Variants in FRMD5 observed in about 807,000 individuals in gnomAD.
FRMD5 encodes the protein FERM domain-containing protein 5.
Under a neutral mutation model 69.0 loss-of-function variants are expected in FRMD5, and 20 were observed. That is an observed-to-expected ratio of 0.29 (90% CI 0.20 to 0.42). The LOEUF (loss-of-function observed/expected upper bound fraction) is 0.42, where lower values mean the gene tolerates loss of function less well. Ranked by LOEUF, FRMD5 falls within the 10% of genes least tolerant of loss-of-function variation. The probability of loss-of-function intolerance (pLI) is 1.00; values close to 1 mark genes in which losing one functional copy is unlikely to be tolerated. For missense variants in FRMD5, 595 were observed against 708.6 expected (o/e 0.84, Z 1.82); for synonymous variants, 271 against 260.1 (o/e 1.04, Z -0.40).
intron 1 of FRMD5, among the ~76,000 whole-genome samples, chr15:44,143,465 T>G (rs2077303556): frequency 6.6e-6 from 1 of 152,008 alleles, no homozygotes; most frequent in African/African-American, 2.4e-5. Flanking sequence ...AAATTTTCAC[T>G]GGCCATGAAG....
At chr15:43,961,270 A>G (rs1006847982) in intron 1 of FRMD5, among the ~76,000 whole-genome samples, 23 of 152,352 alleles carry the variant, frequency 1.5e-4, no homozygotes, top group African/African-American at 5.5e-4. Context: ...AGAATACTAT[A>G]AACACCTCTA....
chr15:44,023,133 C>G (rs1300438381), intron 1 of FRMD5, among the ~76,000 whole-genome samples: 1 of 152,066 alleles, frequency 6.6e-6, no homozygotes, highest in Non-Finnish European at 1.5e-5. Flanking sequence ...TGGGCCACAC[C>G]AGTTATGTAC....
intron 1 of FRMD5, among the ~76,000 whole-genome samples, chr15:43,957,598 A>G (rs1305931876): frequency 2.0e-5 from 3 of 152,364 alleles, no homozygotes; most frequent in African/African-American, 7.2e-5. Context: ...ACTGTTCTGT[A>G]TTAGCCTCTC....
At chr15:43,923,087 G>A (rs1295969857) in intron 2 of FRMD5, among the ~76,000 whole-genome samples, 2 of 152,194 alleles carry the variant, frequency 1.3e-5, no homozygotes, top group African/African-American at 2.4e-5. Context: ...GTAGATGAAG[G>A]GAAGTTATAG....
chr15:44,091,631 A>AGT (rs1224980292), intron 1 of FRMD5, among the ~76,000 whole-genome samples: 6 of 152,228 alleles, frequency 3.9e-5, no homozygotes, highest in Admixed American at 6.6e-5. Context: ...TGAATCTTAT[A>AGT]GTGCTAAGTT....
chr15:43,940,366 G>A (rs1454008285), intron 1 of FRMD5, among the ~76,000 whole-genome samples: 1 of 152,162 alleles, frequency 6.6e-6, no homozygotes, highest in East Asian at 1.9e-4. Context: ...CTCTAGAGAT[G>A]AGAAATGATA....
At chr15:43,978,159 C>T (rs922098758) in intron 1 of FRMD5, among the ~76,000 whole-genome samples, 1 of 152,202 alleles carries the variant, frequency 6.6e-6, no homozygotes, top group Non-Finnish European at 1.5e-5. Context: ...CCTTCTCTCT[C>T]ACTTCCTTCC....
intron 1 of FRMD5, among the ~76,000 whole-genome samples, chr15:44,134,116 A>C (rs924744494): frequency 5.9e-5 from 9 of 152,184 alleles, no homozygotes; most frequent in African/African-American, 2.2e-4. Context: ...AAAGACTGGC[A>C]AATACTTTGT....
chr15:44,150,989 G>A (rs1478823442), intron 1 of FRMD5, among the ~76,000 whole-genome samples: 1 of 152,070 alleles, frequency 6.6e-6, no homozygotes, highest in Non-Finnish European at 1.5e-5. Context: ...CTACTTGGGA[G>A]GCTGAGGCAG....
At chr15:43,927,564 G>A (rs1368489555) in intron 1 of FRMD5, among the ~76,000 whole-genome samples, 1 of 152,108 alleles carries the variant, frequency 6.6e-6, no homozygotes, top group Non-Finnish European at 1.5e-5. Flanking sequence ...GGTTCTCTGG[G>A]AGCAGAGGAA....
intron 7 of FRMD5, among the ~76,000 whole-genome samples, chr15:43,896,096 G>A (rs936285363): frequency 6.6e-6 from 1 of 152,176 alleles, no homozygotes; most frequent in Non-Finnish European, 1.5e-5. Context: ...CCACAGGACT[G>A]AGCCATTAAT....
chr15:44,105,158 C>T (rs1018469815), intron 1 of FRMD5, among the ~76,000 whole-genome samples: 1 of 150,688 alleles, frequency 6.6e-6, no homozygotes, highest in African/African-American at 2.4e-5. Flanking sequence ...CTCACTGCAG[C>T]CTCGATGTCC....
At chr15:43,935,513 C>A (rs148347032) in intron 1 of FRMD5, among the ~76,000 whole-genome samples, 2 of 152,046 alleles carry the variant, frequency 1.3e-5, no homozygotes, top group African/African-American at 2.4e-5. Flanking sequence ...ATAAATAATT[C>A]TTGGGCTTGG....
At chr15:43,938,822 AT>A (rs531734432) in intron 1 of FRMD5, among the ~76,000 whole-genome samples, 3 of 151,816 alleles carry the variant, frequency 2.0e-5, no homozygotes, top group Admixed American at 6.6e-5. Flanking sequence ...TTCTTTTTAG[AT>A]TTTTTTTTCT....
At chr15:44,144,991 T>C (rs1327795530) in intron 1 of FRMD5, among the ~76,000 whole-genome samples, 1 of 152,188 alleles carries the variant, frequency 6.6e-6, no homozygotes, top group Non-Finnish European at 1.5e-5. Flanking sequence ...AATGAATTTG[T>C]CCTGATAAAG....
intron 1 of FRMD5, among the ~76,000 whole-genome samples, chr15:43,999,477 A>G (rs1458996415): frequency 6.6e-6 from 1 of 151,992 alleles, no homozygotes; most frequent in Non-Finnish European, 1.5e-5. Flanking sequence ...CCATTTAAAA[A>G]CTTTTTTCCT....
intron 12 of FRMD5, 83 bp from the exon 13 acceptor site, chr15:43,883,892 G>T: frequency 1.1e-6 from 1 of 948,942 alleles, no homozygotes; most frequent in Non-Finnish European, 1.7e-6. Context: ...CTGGCTACTA[G>T]AATTGCCTGG....
intron 1 of FRMD5, among the ~76,000 whole-genome samples, chr15:43,950,039 C>T (rs1395133029): frequency 1.3e-5 from 2 of 152,210 alleles, no homozygotes; most frequent in African/African-American, 4.8e-5. Context: ...TGAACTGCTT[C>T]CTTCTTCCTT....
intron 1 of FRMD5, among the ~76,000 whole-genome samples, chr15:43,992,939 A>T (rs1003264750): frequency 6.6e-6 from 1 of 152,056 alleles, no homozygotes; most frequent in Non-Finnish European, 1.5e-5. Flanking sequence ...GGTGCATTCC[A>T]TAAGTTTTGG....
Sources: allele counts gnomAD v4.1 joint callset (sites outside exome capture counted in the v4.1 genomes callset), GRCh38; gene constraint gnomAD v4.1.1; transcripts MANE v1.5; gene names NCBI Gene and HGNC (gene_info 2026-07-23, HGNC 2026-07-21).